The following BRAF variants were observed in gnomAD, a reference collection of about 807,000 sequenced individuals.
BRAF encodes serine/threonine-protein kinase B-raf.
Under a neutral mutation model 104.6 loss-of-function variants are expected in BRAF, and 16 were observed. That is an observed-to-expected ratio of 0.15 (90% CI 0.10 to 0.23). The LOEUF is 0.23. Ranked by LOEUF, BRAF falls within the 10% of genes least tolerant of loss-of-function variation. The pLI is 1.00. For synonymous variants in BRAF, 310 were observed against 341.6 expected, an observed-to-expected ratio of 0.91 and a Z score of 1.02; for missense variants, 541 against 937.3, an observed-to-expected ratio of 0.58 and a Z score of 5.52.
At chr7:140,847,172 A>T (rs1808647716) in intron 2 of BRAF, among the ~76,000 whole-genome samples, 1 of 152,156 alleles carries the variant, frequency 6.6e-6, no homozygotes, top group Admixed American at 6.5e-5. Context: ...ATAAAAAAAT[A>T]AAATGGTGAT....
At chr7:140,923,967 G>C (rs931188347) in intron 1 of BRAF, among the ~76,000 whole-genome samples, 13 of 152,266 alleles carry the variant, frequency 8.5e-5, no homozygotes, top group Admixed American at 8.5e-4. Context: ...CGGAAACTGC[G>C]ATTTAGGATT....
At chr7:140,905,873 G>T (rs1424697793) in intron 1 of BRAF, among the ~76,000 whole-genome samples, 1 of 151,490 alleles carries the variant, frequency 6.6e-6, no homozygotes, top group African/African-American at 2.4e-5. Flanking sequence ...CGGATCACGA[G>T]GTCAGGAGAT....
In BRAF at chr7:140,855,726, T is replaced by TA. The variant is rs565477904; in HGVS notation, c.139-5515dup. Among the ~76,000 whole-genome samples, 64 of 150,254 alleles carry TA rather than the reference T, an allele frequency of 4.3e-4. 1 individual carries two copies. The South Asian group carries it at 6.8e-3, about 16-fold the overall frequency. ...ATGTCAAAACTCAACAAAGATAACATAAAAAAAAATAGGCCACGTACAATG... is the reference window on the plus strand; with the variant it reads ...ATGTCAAAACTCAACAAAGATAACATAAAAAAAAAATAGGCCACGTACAATG... On this transcript the variant is annotated intron_variant, in intron 1 of 19. Coordinates refer to ENST00000644969, the MANE Select transcript of BRAF (RefSeq NM_001374258.1).
intron 3 of BRAF, among the ~76,000 whole-genome samples, chr7:140,816,694 C>T (rs1347841170): frequency 1.3e-5 from 2 of 151,988 alleles, no homozygotes; most frequent in South Asian, 2.1e-4. Context: ...ACTTACAGTA[C>T]ATTTACTCAG....
chr7:140,817,168 A>G (rs1414915698), intron 3 of BRAF, among the ~76,000 whole-genome samples: 8 of 152,174 alleles, frequency 5.3e-5, no homozygotes, highest in Non-Finnish European at 1.0e-4. Flanking sequence ...ACAGCAAACA[A>G]TCCGAAACAA....
chr7:140,900,117 G>A lies in BRAF; in HGVS notation c.138+24449C>T, dbSNP rs1406108531. ...AGTTTCCTGACCCACAGAACTGTGA[G>A]AGAAATGTTATTTCAAACTGCTAAG... On this transcript the variant is annotated intron_variant, in intron 1 of 19. Coordinates refer to ENST00000644969, the MANE Select transcript of BRAF (RefSeq NM_001374258.1). Among the ~76,000 whole-genome samples, 3 of 152,232 alleles carry A rather than the reference G, an allele frequency of 2.0e-5. No homozygotes were observed. In the East Asian group the frequency reaches 5.8e-4, roughly 29 times the overall value.
At chr7:140,774,846 T>C (rs1037504815) in intron 14 of BRAF, among the ~76,000 whole-genome samples, 3 of 152,210 alleles carry the variant, frequency 2.0e-5, no homozygotes, top group Non-Finnish European at 4.4e-5. Context: ...TGAGAAGGAT[T>C]TGGCATCTCT....
chr7:140,812,402 T>C (rs902796887), intron 3 of BRAF, among the ~76,000 whole-genome samples: 3 of 152,166 alleles, frequency 2.0e-5, no homozygotes, highest in Admixed American at 2.0e-4. Flanking sequence ...AAAATTCCAA[T>C]TCCATAATGT....
chr7:140,914,832 G>A (rs1817402145), intron 1 of BRAF, among the ~76,000 whole-genome samples: 1 of 151,822 alleles, frequency 6.6e-6, no homozygotes, highest in South Asian at 2.1e-4. Context: ...GAGGTCAGGA[G>A]ATCGAGACCA....
intron 10 of BRAF, among the ~76,000 whole-genome samples, chr7:140,784,694 G>C (rs1184905324): frequency 6.6e-6 from 1 of 152,052 alleles, no homozygotes; most frequent in Non-Finnish European, 1.5e-5. Context: ...ACCCAGGCTG[G>C]AGTACAATGG....
intron 1 of BRAF, among the ~76,000 whole-genome samples, chr7:140,914,617 T>A (rs1817373395): frequency 2.0e-5 from 3 of 152,118 alleles, no homozygotes; most frequent in Non-Finnish European, 4.4e-5. Flanking sequence ...GTACTTTATC[T>A]TTTTATGGTA....
chr7:140,894,119 C>A (rs951413965), intron 1 of BRAF, among the ~76,000 whole-genome samples: 4 of 151,884 alleles, frequency 2.6e-5, no homozygotes, highest in Non-Finnish European at 5.9e-5. Context: ...GAGTGAGAGA[C>A]CCAGACCCTG....
intron 2 of BRAF, among the ~76,000 whole-genome samples, chr7:140,840,309 A>C (rs997628342): frequency 6.6e-6 from 1 of 151,686 alleles, no homozygotes; most frequent in African/African-American, 2.4e-5. Flanking sequence ...GATACACCAA[A>C]AGCACAGCAA....
Position 140,721,639 on chromosome 7 carries a change from A to G in BRAF, c.*4855T>C, listed in dbSNP as rs1405446994. 4.6e-6 allele frequency: 7 copies of G among 1,535,800 alleles called. No homozygotes were observed. Among genetic ancestry groups the G allele is most frequent in the Non-Finnish European group, 5.2e-6 (6 of 1,146,696 alleles). ...CATCACCTGAGGCAGAGATGCTACT[A>G]CCCTCTTCTGGGGCTCAACTACCGA... On this transcript the variant is annotated 3_prime_UTR_variant, in exon 20 of 20. Coordinates refer to ENST00000644969, the MANE Select transcript of BRAF (RefSeq NM_001374258.1).
intron 1 of BRAF, among the ~76,000 whole-genome samples, chr7:140,860,256 C>T (rs1810263634): frequency 6.6e-6 from 1 of 151,882 alleles, no homozygotes; most frequent in African/African-American, 2.4e-5. Context: ...AAGTGGCCAT[C>T]CTTTTGGAAA....
intron 3 of BRAF, among the ~76,000 whole-genome samples, chr7:140,825,504 A>T (rs1267048810): frequency 6.6e-6 from 1 of 152,074 alleles, no homozygotes; most frequent in Non-Finnish European, 1.5e-5. Flanking sequence ...GGTCACAAAA[A>T]TTTTCTGTAG....
At chr7:140,733,978 C>T (rs1030577644) in intron 19 of BRAF, 6 of 1,024,476 alleles carry the variant, frequency 5.9e-6, no homozygotes, top group Non-Finnish European at 7.0e-6. Flanking sequence ...ACGTGCCACT[C>T]CTCAGCAATA....
chr7:140,769,358 A>T (rs1437647362), intron 14 of BRAF, among the ~76,000 whole-genome samples: 5 of 151,824 alleles, frequency 3.3e-5, no homozygotes, highest in Non-Finnish European at 7.4e-5. Flanking sequence ...AATTACAGGC[A>T]TGAGCCACCG....
At chr7:140,809,255 A>AG (rs1803972004) in intron 3 of BRAF, among the ~76,000 whole-genome samples, 1 of 152,208 alleles carries the variant, frequency 6.6e-6, no homozygotes, top group East Asian at 1.9e-4. Flanking sequence ...AAAAAGAAGA[A>AG]GTAACAGTAT....
Sources: gnomAD v4.1 joint callset for allele counts (sites outside exome capture counted in the v4.1 genomes callset) on GRCh38, gnomAD v4.1.1 for gene constraint, MANE v1.5 for transcripts, NCBI Gene and HGNC (gene_info 2026-07-23, HGNC 2026-07-21) for gene names.